Variants in POM121L2 observed in about 807,000 individuals in gnomAD.
POM121L2 encodes the protein POM121 transmembrane nucleoporin like 2.
For missense variants in POM121L2, 1,167 were observed against 1,260.3 expected (o/e 0.93, Z 1.12); for synonymous variants, 459 against 483.8 (o/e 0.95, Z 0.67).
Position 27,310,408 on chromosome 6 carries a change from T to G in POM121L2, c.1763A>C (p.Lys588Thr). The change falls in exon 1 of 1, where the codon AAA becomes ACA. Residue 588 changes from lysine to threonine, a missense_variant. Coordinates refer to ENST00000444565, the MANE Select transcript of POM121L2 (RefSeq NM_033482.4). ...KPIFGSIDPL[K>T]TTPMIAPFSS... The stretch of plus-strand genomic sequence containing the variant: ...GAAAGGAGCTATCATGGGCGTAGTT[T>G]TAAGTGGATCTATGCTGCCAAAGAT... The G allele has an allele frequency of 6.4e-7, 1 of 1,552,090 alleles. No individual in the cohort carries two copies.
rs752968816 is a variant in POM121L2, at chr6:27,311,875, C to T, written c.296G>A (p.Ser99Asn). The change falls in exon 1 of 1, where the codon AGT becomes AAT. Residue 99 changes from serine (S) to asparagine (N), a missense_variant. Physicochemically the swap from Ser to Asn is conservative, Grantham distance 46. Transcript: ENST00000444565. The stretch of plus-strand genomic sequence containing the variant: ...AGACCAAATAGTCCGCTTTAAGTAA[C>T]TTTCCCACCAGTCTGAAGGGAGAGG... ...LGPLPSDWWE[S>N]YLKRTIWSLR... is the part of the protein sequence containing the mutation. The T allele has an allele frequency of 6.4e-7, 1 of 1,551,786 alleles. No homozygotes were observed. The highest frequency in any genetic ancestry group is 8.7e-7 in the Non-Finnish European group (1 of 1,147,002).
rs756684309 is a variant in POM121L2, at chr6:27,312,243, C to A, written c.-73G>T. The A allele has an allele frequency of 5.6e-4, 524 of 937,794 alleles. No individual in the cohort carries two copies. Among genetic ancestry groups the A allele is most frequent in the Middle Eastern group, 4.9e-3 (20 of 4,086 alleles). 58.1% of individuals were successfully genotyped at this position (937,794 alleles called of 1,614,324 possible). A position where few individuals can be genotyped will look rare whatever the true frequency, so the allele number is the denominator to read the frequency against. On this transcript the variant is annotated 5_prime_UTR_variant, in exon 1 of 1. Coordinates refer to ENST00000444565, the MANE Select transcript of POM121L2 (RefSeq NM_033482.4). The surrounding 1 kb of genome is among the most constrained non-coding windows in gnomAD (Gnocchi z 6.7). ...CCGAGGTTTCGGACGTCTGCAGAAT[C>A]GGACAGAGTCGAAGAGCGCAGTGTT...
Position 27,309,152 on chromosome 6 carries a change from C to A in POM121L2, c.3019G>T (p.Ala1007Ser), listed in dbSNP as rs1407673973. 6.4e-7 allele frequency: 1 copy of A among 1,551,802 alleles called. No individual in the cohort carries two copies. Among genetic ancestry groups the A allele is most frequent in the Non-Finnish European group, 8.7e-7 (1 of 1,147,020 alleles). The change falls in exon 1 of 1, where the codon GCC becomes TCC. Residue 1007 changes from alanine to serine, a missense_variant. Transcript: ENST00000444565. ...TTTGCGCCAATGGAAAATGAAGAGG[C>A]TGATGATCTAAAAGGTCCTCTCCCA... ...SVGRGPFRSSASSFSIGAKSK... is the reference protein window; with the variant it reads ...SVGRGPFRSSSSSFSIGAKSK...
Position 27,310,089 on chromosome 6 carries a change from A to C in POM121L2, c.2082T>G (p.Pro694=). The change falls in exon 1 of 1, where the codon CCT becomes CCG. Residue 694 remains proline, a synonymous_variant. Coordinates refer to ENST00000444565, the MANE Select transcript of POM121L2 (RefSeq NM_033482.4). ...IFPPHHHPTI[P]TVHTVTMFTQ... ...TAAACATGGTGACTGTATGCACAGT[A>C]GGAATTGTAGGATGGTGGTGTGGTG... 2 of 1,552,162 alleles carry C rather than the reference A, an allele frequency of 1.3e-6. No homozygotes were observed. Among genetic ancestry groups the C allele is most frequent in the Non-Finnish European group, 1.7e-6 (2 of 1,147,092 alleles).
rs1384785726 is a variant in POM121L2, at chr6:27,312,065, G to A, written c.106C>T (p.His36Tyr). The A allele has an allele frequency of 1.3e-6, 2 of 1,517,194 alleles. No individual in the cohort carries two copies. Among genetic ancestry groups the A allele is most frequent in the Admixed American group, 2.1e-5 (1 of 47,424 alleles). The allele number at this position is 1,517,194 out of a possible 1,614,324, so 94.0% of individuals were successfully genotyped here. A position where few individuals can be genotyped will look rare whatever the true frequency, so the allele number is the denominator to read the frequency against. ...ACGAACTGAACCCGATGAACTTGGT[G>A]AAGGGGCTGAGGTGGCCGGCGTTTC... ...PTKRRPPQPL[H>Y]QVHRVQFVHR... Residue 36 changes from histidine to tyrosine, a missense_variant, in exon 1 of 1, where the codon CAC (histidine) becomes TAC (tyrosine). Transcript: ENST00000444565. The surrounding 1 kb of genome is among the most constrained non-coding windows in gnomAD (Gnocchi z 6.7).
Position 27,312,192 on chromosome 6 carries a change from A to C in POM121L2, c.-22T>G. 2 of 1,391,944 alleles carry C rather than the reference A, an allele frequency of 1.4e-6. No homozygotes were observed. Among genetic ancestry groups the C allele is most frequent in the Non-Finnish European group, 1.9e-6 (2 of 1,056,674 alleles). 86.2% of individuals were successfully genotyped at this position (1,391,944 alleles called of 1,614,324 possible). Reference sequence around the variant, plus strand: ...CCATGAGGAGAGATGAGGCGCGGGCAGTGAGTTCAAGCACGGTTTTGGCTT... The same window carrying C: ...CCATGAGGAGAGATGAGGCGCGGGCCGTGAGTTCAAGCACGGTTTTGGCTT... On this transcript the variant is annotated 5_prime_UTR_variant, in exon 1 of 1. Coordinates refer to ENST00000444565, the MANE Select transcript of POM121L2 (RefSeq NM_033482.4). This position sits in a 1 kb window ranked among gnomAD's most constrained non-coding sequence, Gnocchi z 6.7.
chr6:27,310,762 G>C lies in POM121L2; in HGVS notation c.1409C>G (p.Pro470Arg). 1.3e-6 allele frequency: 2 copies of C among 1,551,892 alleles called. No individual in the cohort carries two copies. Among genetic ancestry groups the C allele is most frequent in the Non-Finnish European group, 1.7e-6 (2 of 1,147,036 alleles). ...KPTATFILLT[P>R]TSPTLPVTDT... The stretch of plus-strand genomic sequence containing the variant: ...AGTAACTGGTAATGTGGGAGAGGTG[G>C]GGGTCAGCAGGATGAAAGTAGCTGT... Residue 470 changes from proline (P) to arginine (R), a missense_variant, in exon 1 of 1, where the codon CCC (proline) becomes CGC (arginine). By Grantham distance (103) the Pro-to-Arg change is moderately radical. Coordinates refer to ENST00000444565, the MANE Select transcript of POM121L2 (RefSeq NM_033482.4).
rs1320142999 is a variant in POM121L2 at position 27,312,095 on chromosome 6, G to T, written c.76C>A (p.Pro26Thr). ...AQVRTDLPER[P>T]TKRRPPQPLH... is the part of the protein sequence containing the mutation. ...GGCTGAGGTGGCCGGCGTTTCGTGG[G>T]CCTCTCGGGCAAGTCGGTGCGCACC... Residue 26 changes from proline to threonine, a missense_variant, in exon 1 of 1, where the codon CCC becomes ACC. Physicochemically the swap from Pro to Thr is conservative, Grantham distance 38 (BLOSUM62 -1). Coordinates refer to ENST00000444565, the MANE Select transcript of POM121L2 (RefSeq NM_033482.4). The surrounding 1 kb of genome is among the most constrained non-coding windows in gnomAD (Gnocchi z 6.7). 5 of 1,480,946 alleles carry T rather than the reference G, an allele frequency of 3.4e-6. No homozygotes were observed. Among genetic ancestry groups the T allele is most frequent in the Non-Finnish European group, 4.5e-6 (5 of 1,114,270 alleles). The allele number at this position is 1,480,946 out of a possible 1,614,324, so 91.7% of individuals were successfully genotyped here.
In POM121L2 at chr6:27,309,047, T is replaced by G; in HGVS notation, c.*16A>C. The G allele has an allele frequency of 6.6e-7, 1 of 1,526,542 alleles. No individual in the cohort carries two copies. The highest frequency in any genetic ancestry group is 8.8e-7 in the Non-Finnish European group (1 of 1,133,280). 94.6% of individuals were successfully genotyped at this position (1,526,542 alleles called of 1,614,324 possible). Reference sequence around the variant, plus strand: ...ACTGAGGTCTAAATCAGGGTGCAAGTGACAGGGAACACAGGCTACTTCTTG... The same window carrying G: ...ACTGAGGTCTAAATCAGGGTGCAAGGGACAGGGAACACAGGCTACTTCTTG... On this transcript the variant is annotated 3_prime_UTR_variant, in exon 1 of 1. Coordinates refer to ENST00000444565, the MANE Select transcript of POM121L2 (RefSeq NM_033482.4).
chr6:27,312,263 A>T lies in POM121L2; in HGVS notation c.-93T>A. On this transcript the variant is annotated 5_prime_UTR_variant, in exon 1 of 1. Coordinates refer to ENST00000444565, the MANE Select transcript of POM121L2 (RefSeq NM_033482.4). The surrounding 1 kb of genome is among the most constrained non-coding windows in gnomAD (Gnocchi z 6.7). ...AGAATCGGACAGAGTCGAAGAGCGC[A>T]GTGTTCGGTTGACGGTTGGGATTCA... 2 of 797,454 alleles carry T rather than the reference A, an allele frequency of 2.5e-6. No individual in the cohort carries two copies. The allele number at this position is 797,454 out of a possible 1,614,324, so 49.4% of individuals were successfully genotyped here.
In POM121L2 at chr6:27,310,564, G is replaced by A. The variant is rs373334156; in HGVS notation, c.1607C>T (p.Pro536Leu). The A allele has an allele frequency of 2.7e-4, 420 of 1,551,932 alleles. 1 individual carries two copies. The highest frequency in any genetic ancestry group is 3.5e-4 in the Non-Finnish European group (406 of 1,147,092). ...DATSAHLMLK[P>L]ILGPLHNSEI... ...GCTGTTGTGCAGGGGCCCCAAAATC[G>A]GTTTTAACATGAGGTGAGCAGAAGT... is the stretch of plus-strand genomic sequence containing the variant. The change falls in exon 1 of 1, where the codon CCG becomes CTG. Residue 536 changes from proline (P) to leucine (L), a missense_variant. By Grantham distance (98) the Pro-to-Leu change is moderately conservative (BLOSUM62 -3). Coordinates refer to ENST00000444565, the MANE Select transcript of POM121L2 (RefSeq NM_033482.4).
chr6:27,309,844 A>G lies in POM121L2; in HGVS notation c.2327T>C (p.Phe776Ser), dbSNP rs994939796. ...TTGTTTCTGTCCATTTGTGGCACCA[A>G]ATGCAGGCTGGGGATTAGCTCCTTG... The part of the protein sequence containing the change: ...LSQGANPQPA[F>S]GATNGQKQGP... Residue 776 changes from phenylalanine to serine, a missense_variant, in exon 1 of 1, where the codon TTT becomes TCT. Phe to Ser is a radical substitution (Grantham distance 155). Coordinates refer to ENST00000444565, the MANE Select transcript of POM121L2 (RefSeq NM_033482.4). 1 of 1,551,726 alleles carries G rather than the reference A, an allele frequency of 6.4e-7. No homozygotes were observed. The highest frequency in any genetic ancestry group is 1.2e-5 in the South Asian group (1 of 84,060).
chr6:27,310,960 T>A lies in POM121L2; in HGVS notation c.1211A>T (p.Gln404Leu). Reference protein sequence around the residue: ...ETDLTQGANPQLENLRKMQKS... With the variant: ...ETDLTQGANPLLENLRKMQKS... Reference sequence around the variant, plus strand: ...CTGCATTTTTCTTAAGTTTTCCAACTGAGGATTTGCTCCCTGGGTTAGATC... The same window carrying A: ...CTGCATTTTTCTTAAGTTTTCCAACAGAGGATTTGCTCCCTGGGTTAGATC... The change falls in exon 1 of 1, where the codon CAG (glutamine) becomes CTG (leucine). Residue 404 changes from glutamine to leucine, a missense_variant. Coordinates refer to ENST00000444565, the MANE Select transcript of POM121L2 (RefSeq NM_033482.4). The A allele has an allele frequency of 1.3e-6, 2 of 1,552,060 alleles. No individual in the cohort carries two copies. Among genetic ancestry groups the A allele is most frequent in the Middle Eastern group, 1.7e-4 (1 of 5,994 alleles).
At chr6:27,309,956 GC>G (rs1332831930) in intron 1 of POM121L2, 2 of 1,551,926 alleles carry the variant, frequency 1.3e-6, no homozygotes, top group African/African-American at 2.7e-5. Flanking sequence ...GTTGATGCAA[GC>G]CAGTTTGTGG....
In POM121L2 at chr6:27,310,609, G is replaced by A. The variant is rs760982883; in HGVS notation, c.1562C>T (p.Ala521Val). The A allele has an allele frequency of 1.3e-5, 20 of 1,551,866 alleles. No individual in the cohort carries two copies. Among genetic ancestry groups the A allele is most frequent in the Non-Finnish European group, 1.6e-5 (18 of 1,147,072 alleles). Residue 521 changes from alanine to valine, a missense_variant, in exon 1 of 1, where the codon GCA (alanine) becomes GTA (valine). By Grantham distance (64) the Ala-to-Val change is moderately conservative. Coordinates refer to ENST00000444565, the MANE Select transcript of POM121L2 (RefSeq NM_033482.4). ...MVSSPTSHLS[A>V]SAPPDATSAH... ...AGAAGTTGCATCAGGAGGTGCAGAT[G>A]CAGAAAGATGGGATGTTGGGCTACT...
chr6:27,311,829 A>T lies in POM121L2; in HGVS notation c.342T>A (p.Ile114=), dbSNP rs1760750376. The T allele has an allele frequency of 1.9e-6, 3 of 1,551,652 alleles. No individual in the cohort carries two copies. Among genetic ancestry groups the T allele is most frequent in the Non-Finnish European group, 8.7e-7 (1 of 1,147,012 alleles). The change falls in exon 1 of 1, where the codon ATT becomes ATA. Residue 114 remains isoleucine (I), a synonymous_variant. Transcript: ENST00000444565. Reference sequence around the variant, plus strand: ...TGATCCTGATGGTCACTGGGCTCCAAATTGGCCTGGGATGTCGAAGAGACC... The same window carrying T: ...TGATCCTGATGGTCACTGGGCTCCATATTGGCCTGGGATGTCGAAGAGACC... The part of the protein sequence containing the change: ...TIWSLRHPRP[I]WSPVTIRITP...
In POM121L2 at chr6:27,311,712, T is replaced by A. The variant is rs1352628386; in HGVS notation, c.459A>T (p.Pro153=). 6.4e-7 allele frequency: 1 copy of A among 1,551,900 alleles called. No homozygotes were observed. Among genetic ancestry groups the A allele is most frequent in the South Asian group, 1.2e-5 (1 of 84,066 alleles). Residue 153 remains proline (P), a synonymous_variant, in exon 1 of 1, where the codon CCA becomes CCT. Coordinates refer to ENST00000444565, the MANE Select transcript of POM121L2 (RefSeq NM_033482.4). ...CCCTCAACACTGTCTCCTTTGAACA[T>A]GGATCTGCGAGCTCCTCAGAGGGCG... ...GLPPSEELAD[P]CSKETVLRAL... is the part of the protein sequence containing the mutation.
At position 27,310,113 on chromosome 6, in the gene POM121L2, T is replaced by G. The variant is rs1477005658; in HGVS notation, c.2058A>C (p.Pro686=). 5.1e-5 allele frequency: 79 copies of G among 1,551,840 alleles called. No homozygotes were observed. Among genetic ancestry groups the G allele is most frequent in the Non-Finnish European group, 6.5e-5 (75 of 1,147,048 alleles). The change falls in exon 1 of 1, where the codon CCA becomes CCC. Residue 686 remains proline, a synonymous_variant. Coordinates refer to ENST00000444565, the MANE Select transcript of POM121L2 (RefSeq NM_033482.4). Reference sequence around the variant, plus strand: ...TAGGAATTGTAGGATGGTGGTGTGGTGGGAAAATGAATCCTGTGGCTGGGG... The same window carrying G: ...TAGGAATTGTAGGATGGTGGTGTGGGGGGAAAATGAATCCTGTGGCTGGGG... ...DFTPATGFIF[P]PHHHPTIPTV...
chr6:27,309,675 T>C lies in POM121L2; in HGVS notation c.2496A>G (p.Thr832=), dbSNP rs1581499183. The C allele has an allele frequency of 6.4e-7, 1 of 1,551,436 alleles. No homozygotes were observed. Among genetic ancestry groups the C allele is most frequent in the Non-Finnish European group, 8.7e-7 (1 of 1,146,996 alleles). The change falls in exon 1 of 1, where the codon ACA becomes ACG. Residue 832 remains threonine, a synonymous_variant. Coordinates refer to ENST00000444565, the MANE Select transcript of POM121L2 (RefSeq NM_033482.4). The part of the protein sequence containing the change: ...STTQSALGCL[T]PSASTSQTPA... ...GGGTTTGAGAGGTGGAGGCTGAGGGTGTCAAACACCCCAAGGCTGACTGTG... is the reference window on the plus strand; with the variant it reads ...GGGTTTGAGAGGTGGAGGCTGAGGGCGTCAAACACCCCAAGGCTGACTGTG...
Sources: allele counts gnomAD v4.1 joint callset, GRCh38; gene constraint gnomAD v4.1.1; non-coding constraint Gnocchi (gnomAD v3.1); transcripts MANE v1.5; gene names NCBI Gene and HGNC (gene_info 2026-07-23, HGNC 2026-07-21).